The following EFCAB3 variants were observed in gnomAD, a reference collection of about 807,000 sequenced individuals.
The protein encoded by EFCAB3 is EF-hand calcium-binding domain-containing protein 3.
EFCAB3 carries 36 observed loss-of-function variants against 42.2 expected under a neutral mutation model. The ratio of observed to expected loss-of-function variants is 0.85; its 90% confidence interval spans 0.65 to 1.13. The LOEUF (loss-of-function observed/expected upper bound fraction) is 1.13, where lower values mean the gene tolerates loss of function less well. Among genes scored for constraint, EFCAB3 ranks in the 50% most tolerant of loss-of-function variants. EFCAB3 has a pLI of 0.00. For synonymous variants in EFCAB3, 170 were observed against 172.8 expected (o/e 0.98, Z 0.13); for missense variants, 418 against 505.1 (o/e 0.83, Z 1.65).
At chr17:62,403,855 G>T (rs1355237030) in intron 6 of EFCAB3, among the ~76,000 whole-genome samples, 1 of 152,138 alleles carries the variant, frequency 6.6e-6, no homozygotes, top group African/African-American at 2.4e-5. Context: ...TCACCACATT[G>T]CTCAAGCTGG....
chr17:62,393,670 G>A, intron 5 of EFCAB3, 26 bp downstream of exon 5: 1 of 1,595,626 alleles, frequency 6.3e-7, no homozygotes, highest in Non-Finnish European at 8.6e-7. Flanking sequence ...ATGAACAGAA[G>A]GCAGTTGGGC....
At chr17:62,397,284 C>T (rs567788175) in intron 6 of EFCAB3, 2 of 252,794 alleles carry the variant, frequency 7.9e-6, no homozygotes, top group Non-Finnish European at 1.5e-5. Flanking sequence ...ATTTGAGAGG[C>T]TGAGGTGCAT....
chr17:62,395,219 C>G (rs769072316), intron 6 of EFCAB3, 31 bp downstream of exon 6: 23 of 1,608,920 alleles, frequency 1.4e-5, no homozygotes, highest in Admixed American at 6.8e-5. Context: ...CAAAAACAGC[C>G]TTCTCAGAAG....
intron 1 of EFCAB3, among the ~76,000 whole-genome samples, chr17:62,372,283 G>A (rs982278823): frequency 1.3e-5 from 2 of 151,424 alleles, no homozygotes; most frequent in African/African-American, 4.9e-5. Flanking sequence ...TTTGTTTTTT[G>A]TTTTGGGGAC....
intron 9 of EFCAB3, 111 bp from the exon 10 acceptor site, chr17:62,415,892 A>C: frequency 2.2e-6 from 2 of 903,112 alleles, no homozygotes; most frequent in Non-Finnish European, 3.4e-6. Flanking sequence ...GTATAGATTC[A>C]GTGACTTTCG....
intron 8 of EFCAB3, among the ~76,000 whole-genome samples, chr17:62,410,000 G>C (rs977520702): frequency 6.6e-6 from 1 of 151,982 alleles, no homozygotes; most frequent in Admixed American, 6.6e-5. Context: ...GAGAGTTCGA[G>C]ACCAGCCTGA....
chr17:62,397,396 G>A (rs564311747), intron 6 of EFCAB3: 9 of 395,382 alleles, frequency 2.3e-5, no homozygotes, highest in South Asian at 2.0e-4. Context: ...GTGCCAGCAG[G>A]ATGGGCAAGC....
chr17:62,380,440 A>G (rs2070186769), upstream of EFCAB3: 1 of 344,742 alleles, frequency 2.9e-6, no homozygotes, highest in African/African-American at 2.2e-5. Flanking sequence ...TGCTGAATGA[A>G]CCACACTGAA....
intron 2 of EFCAB3, among the ~76,000 whole-genome samples, chr17:62,374,410 G>A (rs1329208125): frequency 6.6e-6 from 1 of 152,068 alleles, no homozygotes; most frequent in East Asian, 1.9e-4. Flanking sequence ...GCAGCGAGCC[G>A]AGATTGTGCC....
intron 1 of EFCAB3, among the ~76,000 whole-genome samples, chr17:62,372,603 C>G (rs2070122302): frequency 6.6e-6 from 1 of 152,060 alleles, no homozygotes; most frequent in Non-Finnish European, 1.5e-5. Flanking sequence ...TCTTTACAAC[C>G]CTTCTTAATC....
intron 6 of EFCAB3, 113 bp from the exon 7 acceptor site, chr17:62,406,367 C>A: frequency 3.6e-6 from 3 of 821,942 alleles, no homozygotes; most frequent in Non-Finnish European, 5.5e-6. Context: ...AATGAATATG[C>A]AAATTAGATT....
intron 1 of EFCAB3, among the ~76,000 whole-genome samples, chr17:62,372,536 C>A (rs547289497): frequency 1.0e-3 from 145 of 138,352 alleles, no homozygotes; most frequent in African/African-American, 3.5e-3. Context: ...CCTGCCTCAG[C>A]CTCCCAAAGT....
intron 2 of EFCAB3, 30 bp from the exon 3 acceptor site, chr17:62,387,310 A>C: frequency 6.4e-7 from 1 of 1,562,958 alleles, no homozygotes; most frequent in Non-Finnish European, 8.8e-7. Context: ...CATAGGTAGT[A>C]AATCTAAATA....
rs184855000 is a variant in EFCAB3, at chr17:62,393,211, A to T, written c.296-362A>T. Among the ~76,000 whole-genome samples, 1,336 of 152,320 alleles carry T rather than the reference A, an allele frequency of 8.8e-3. 50 individuals are homozygous for T. The highest frequency in any genetic ancestry group is 0.073 in the Admixed American group (1,115 of 15,280). On this transcript the variant is annotated intron_variant, in intron 4 of 9. Coordinates refer to ENST00000305286, the MANE Select transcript of EFCAB3 (RefSeq NM_173503.4). ...CATCCTTCAATTTTAGAGGAAATGG[A>T]ATACAGCTTGGGGATGTTATAATAG...
At chr17:62,388,042 T>C (rs532523012) in intron 3 of EFCAB3, among the ~76,000 whole-genome samples, 2 of 152,190 alleles carry the variant, frequency 1.3e-5, no homozygotes, top group Admixed American at 1.3e-4. Context: ...AAACCTTGTC[T>C]CTACTAAAAA....
At chr17:62,412,884 G>GT (rs1424592817) in intron 8 of EFCAB3, among the ~76,000 whole-genome samples, 2 of 152,060 alleles carry the variant, frequency 1.3e-5, no homozygotes, top group Non-Finnish European at 2.9e-5. Flanking sequence ...TAAGGAAAAC[G>GT]TGACATTTCA....
chr17:62,406,341 C>T, intron 6 of EFCAB3, 139 bp from the exon 7 acceptor site: 2 of 626,722 alleles, frequency 3.2e-6, no homozygotes, highest in Admixed American at 3.0e-5. Flanking sequence ...CAGAAATGGG[C>T]ACTCAAATAT....
At chr17:62,374,232 G>A (rs538569991) in intron 2 of EFCAB3, among the ~76,000 whole-genome samples, 58 of 152,090 alleles carry the variant, frequency 3.8e-4, no homozygotes, top group Non-Finnish European at 4.4e-4. Flanking sequence ...AGGCCAAGGC[G>A]GGTGGATCAC....
chr17:62,371,985 A>G (rs923772111), intron 1 of EFCAB3, among the ~76,000 whole-genome samples: 1 of 152,178 alleles, frequency 6.6e-6, no homozygotes, highest in Non-Finnish European at 1.5e-5. Context: ...GAGTATATTG[A>G]TTTATTCAAG....
Sources: allele counts gnomAD v4.1 joint callset (sites outside exome capture counted in the v4.1 genomes callset), GRCh38; gene constraint gnomAD v4.1.1; transcripts MANE v1.5; gene names NCBI Gene and HGNC (gene_info 2026-07-23, HGNC 2026-07-21).